Variants in NBPF26 observed in about 807,000 individuals in gnomAD.
The protein encoded by NBPF26 is NBPF member 26.
Under a neutral mutation model 119.6 loss-of-function variants are expected in NBPF26, and 79 were observed. The ratio of observed to expected loss-of-function variants is 0.66; its 90% CI spans 0.55 to 0.80. NBPF26 has a LOEUF of 0.80. Among genes scored for constraint, NBPF26 ranks in the 30% least tolerant of loss-of-function variants. The pLI is 0.00. For missense variants in NBPF26, 800 were observed against 1,198.2 expected, an observed-to-expected ratio of 0.67 and a Z score of 4.91; for synonymous variants, 299 against 457.7, an observed-to-expected ratio of 0.65 and a Z score of 4.43.
rs1651158072 is a variant in NBPF26, at chr1:120,763,706, G to A, written c.152G>A (p.Cys51Tyr). 16 of 1,332,000 alleles carry A rather than the reference G, an allele frequency of 1.2e-5. 2 individuals are homozygous for A. In the East Asian group the frequency reaches 2.4e-4, roughly 20 times the overall value. 82.5% of individuals were successfully genotyped at this position (1,332,000 alleles called of 1,614,324 possible). A position where few individuals can be genotyped will look rare whatever the true frequency, so the allele number is the denominator to read the frequency against. ...ACCTACCACAGTGGCACAGGATACT[G>A]CAAGTAAGTTTTTCTCTTCATATAT... Residue 51 changes from cysteine (C) to tyrosine (Y), a missense_variant, in exon 2 of 30, where the codon TGC (cysteine) becomes TAC (tyrosine). By Grantham distance (194) the Cys-to-Tyr change is radical. Transcript: ENST00000620612.
At chr1:120,805,334 C>T (rs1361413206) in intron 4 of NBPF26, 2 of 1,039,650 alleles carry the variant, frequency 1.9e-6, no homozygotes. Context: ...TTCTGCCTCA[C>T]TCTTATCAGA....
chr1:120,778,343 A>G (rs2101438849), intron 2 of NBPF26, among the ~76,000 whole-genome samples: 1 of 93,934 alleles, frequency 1.1e-5, no homozygotes, highest in Non-Finnish European at 1.9e-5. Flanking sequence ...AAGTGGGTTG[A>G]AAGCAGAGTT....
At chr1:120,805,592 T>G in exon 5 of NBPF26, 1 of 1,458,852 alleles carries the variant, frequency 6.9e-7, no homozygotes, top group Non-Finnish European at 9.3e-7. Context: ...AACGTCAGCA[T>G]GGTGGTATCA....
In NBPF26 at chr1:120,764,175, A is replaced by C. The variant is rs1320914811; in HGVS notation, c.155+466A>C. On this transcript the variant is annotated intron_variant, in intron 2 of 29. Transcript: ENST00000620612. ...GGCAGGAGAGTGACTTGAACCCAGG[A>C]GGCGGAGGTTGCAGTGAGCTGAGAC... Among the ~76,000 whole-genome samples the C allele has an allele frequency of 1.7e-5, 2 of 114,614 alleles. 1 individual carries two copies. The highest frequency in any genetic ancestry group is 3.4e-5 in the Non-Finnish European group (2 of 59,578). The allele number at this position is 114,614 out of a possible 152,430, so 75.2% of individuals were successfully genotyped here.
chr1:120,795,911 C>T (rs1252972496), intron 4 of NBPF26, among the ~76,000 whole-genome samples: 1 of 17,330 alleles, frequency 5.8e-5, no homozygotes, highest in African/African-American at 5.1e-4. Context: ...GTACTTGTTA[C>T]ATATCAATAT....
intron 27 of NBPF26, among the ~76,000 whole-genome samples, chr1:120,838,480 A>C: frequency 1.7e-5 from 1 of 58,226 alleles, no homozygotes; most frequent in Non-Finnish European, 3.2e-5. Context: ...TGGACAATTC[A>C]CTGAGCTCGT....
chr1:120,832,626 A>C (rs1652366196), intron 22 of NBPF26, among the ~76,000 whole-genome samples: 2 of 121,346 alleles, frequency 1.6e-5, no homozygotes, highest in South Asian at 2.4e-4. Flanking sequence ...AACTGTTTGC[A>C]CAAACTTGGG....
rs1448545490 is a variant in NBPF26 at position 120,724,637 on chromosome 1, C to A, written c.73+387C>A. On this transcript the variant is annotated intron_variant, in intron 1 of 29. Coordinates refer to ENST00000620612, the Ensembl canonical transcript of NBPF26. ...GACGGCGGGCCTCGGAGGGGCTGAG[C>A]GAAGGAATGCCAGATTCTGGCGTGG... is the stretch of plus-strand genomic sequence containing the variant. Among the ~76,000 whole-genome samples the A allele has an allele frequency of 1.1e-4, 13 of 121,654 alleles. 3 individuals are homozygous for A. Among genetic ancestry groups the A allele is most frequent in the African/African-American group, 1.7e-4 (4 of 23,948 alleles). 79.8% of individuals were successfully genotyped at this position (121,654 alleles called of 152,430 possible).
intron 14 of NBPF26, among the ~76,000 whole-genome samples, chr1:120,817,393 A>G (rs1412007769): frequency 7.2e-5 from 3 of 41,634 alleles, no homozygotes; most frequent in Non-Finnish European, 1.2e-4. Flanking sequence ...GGCTGATCCA[A>G]TGTTTCTTTG....
In NBPF26 at chr1:120,801,550, C is replaced by T. The variant is rs1463730517; in HGVS notation, c.752-4006C>T. 3.2e-4 allele frequency among the ~76,000 whole-genome samples: 30 copies of T among 94,194 alleles called. 2 individuals are homozygous for T. The highest frequency in any genetic ancestry group is 1.8e-3 in the African/African-American group (25 of 13,802). The allele number at this position is 94,194 out of a possible 152,430, so 61.8% of individuals were successfully genotyped here. A position where few individuals can be genotyped will look rare whatever the true frequency, so the allele number is the denominator to read the frequency against. On this transcript the variant is annotated intron_variant, in intron 4 of 29. Coordinates refer to ENST00000620612, the Ensembl canonical transcript of NBPF26. ...AAAAAAAAAAAAAAGCATTTCAGGG[C>T]CAGGCTCAGTGGTTTACTCCTGTAA...
At chr1:120,765,604 A>C (rs1347007613) in intron 2 of NBPF26, among the ~76,000 whole-genome samples, 4 of 72,680 alleles carry the variant, frequency 5.5e-5, no homozygotes, top group Non-Finnish European at 1.0e-4. Flanking sequence ...CAGAAATACC[A>C]TTTGGCCCAG....
chr1:120,832,584 T>A (rs1652364481), intron 22 of NBPF26, among the ~76,000 whole-genome samples: 1 of 120,126 alleles, frequency 8.3e-6, no homozygotes, highest in Non-Finnish European at 1.6e-5. Flanking sequence ...TTTGAGGGTA[T>A]TTGCTTTAAG....
At chr1:120,805,028 G>A (rs1313175604) in intron 4 of NBPF26, among the ~76,000 whole-genome samples, 1 of 119,906 alleles carries the variant, frequency 8.3e-6, no homozygotes, top group East Asian at 2.0e-4. Flanking sequence ...TAACCTGTTG[G>A]GAAACTGTTT....
intron 2 of NBPF26, among the ~76,000 whole-genome samples, chr1:120,781,817 C>A (rs1196476712): frequency 8.5e-6 from 1 of 117,458 alleles, no homozygotes; most frequent in Admixed American, 8.2e-5. Flanking sequence ...CTCGGCCTCC[C>A]AAAGTGCTGA....
chr1:120,727,282 C>T (rs1650826144), intron 1 of NBPF26, among the ~76,000 whole-genome samples: 1 of 98,092 alleles, frequency 1.0e-5, no homozygotes, highest in South Asian at 3.1e-4. Context: ...TTGCAACCCA[C>T]TGATTAAGTA....
In NBPF26 at chr1:120,811,671, A is replaced by T. The variant is rs1373484879; in HGVS notation, c.1565-215A>T. Among the ~76,000 whole-genome samples the T allele has an allele frequency of 1.8e-5, 2 of 113,916 alleles. 1 individual carries two copies. Among genetic ancestry groups the T allele is most frequent in the African/African-American group, 1.0e-4 (2 of 19,924 alleles). 74.7% of individuals were successfully genotyped at this position (113,916 alleles called of 152,430 possible). ...CTTTATAGAAACGTATAAGCAAGAA[A>T]AGTGTAGAAGTGTTTATGTCTTGGT... On this transcript the variant is annotated intron_variant, in intron 9 of 29. Coordinates refer to ENST00000620612, the Ensembl canonical transcript of NBPF26.
At chr1:120,782,108 G>A (rs2101447283) in intron 2 of NBPF26, among the ~76,000 whole-genome samples, 1 of 104,020 alleles carries the variant, frequency 9.6e-6, no homozygotes, top group Non-Finnish European at 1.8e-5. Flanking sequence ...CACTAAAAAG[G>A]TGAAGAAGCC....
intron 10 of NBPF26, among the ~76,000 whole-genome samples, chr1:120,813,403 A>G (rs1651925023): frequency 7.9e-6 from 1 of 127,358 alleles, no homozygotes; most frequent in Admixed American, 7.4e-5. Context: ...TCTTAAAATC[A>G]TAACTGGAGA....
chr1:120,823,542 C>A (rs1379792805), intron 17 of NBPF26, among the ~76,000 whole-genome samples, 182 bp downstream of exon 17: 5,459 of 115,872 alleles, frequency 0.047, 1,003 homozygotes, highest in African/African-American at 0.17. Flanking sequence ...TCTTCCTACC[C>A]TTATCATTTA....
Sources: allele counts gnomAD v4.1 joint callset (sites outside exome capture counted in the v4.1 genomes callset), GRCh38; gene constraint gnomAD v4.1.1; transcripts MANE v1.5; gene names NCBI Gene and HGNC (gene_info 2026-07-23, HGNC 2026-07-21).